Variants in TOMM70 observed in about 807,000 individuals in gnomAD.
The protein encoded by TOMM70 is translocase of outer mitochondrial membrane 70, also known as mitochondrial import receptor subunit TOM70.
Under a neutral mutation model 73.6 loss-of-function variants are expected in TOMM70, and 13 were observed. The observed-to-expected ratio is 0.18, with a 90% CI of 0.11 to 0.28. The LOEUF (loss-of-function observed/expected upper bound fraction) is 0.28, where lower values mean the gene tolerates loss of function less well. Among genes scored for constraint, TOMM70 ranks in the 10% least tolerant of loss-of-function variants. The pLI, the probability that TOMM70 is intolerant of heterozygous loss-of-function variation, is 1.00. For synonymous variants in TOMM70, 257 were observed against 271.2 expected, an observed-to-expected ratio of 0.95 and a Z score of 0.51; for missense variants, 609 against 747.5, an observed-to-expected ratio of 0.81 and a Z score of 2.16.
At chr3:100,386,688 C>A in intron 2 of TOMM70, 117 bp downstream of exon 2, 5 of 1,239,542 alleles carry the variant, frequency 4.0e-6, no homozygotes, top group East Asian at 2.6e-5. Context: ...GAACAACATC[C>A]CATAATTTTG....
chr3:100,393,810 G>A (rs1333374531), intron 1 of TOMM70, among the ~76,000 whole-genome samples: 1 of 152,142 alleles, frequency 6.6e-6, no homozygotes, highest in African/African-American at 2.4e-5. Flanking sequence ...GCTTAGGATA[G>A]TCAGTGAAGG....
intron 1 of TOMM70, among the ~76,000 whole-genome samples, chr3:100,387,713 G>A (rs1002042439): frequency 1.3e-5 from 2 of 149,104 alleles, no homozygotes; most frequent in Non-Finnish European, 3.0e-5. Flanking sequence ...TTGGCTTGCT[G>A]CAACCTCCAC....
intron 1 of TOMM70, among the ~76,000 whole-genome samples, chr3:100,392,010 T>C (rs1447425864): frequency 6.6e-6 from 1 of 152,228 alleles, no homozygotes; most frequent in East Asian, 1.9e-4. Flanking sequence ...CTTTTCTATG[T>C]TTAGGTACCC....
chr3:100,385,007 A>G (rs1456913504), intron 3 of TOMM70, among the ~76,000 whole-genome samples: 1 of 152,232 alleles, frequency 6.6e-6, no homozygotes, highest in Non-Finnish European at 1.5e-5. Context: ...ATCTGCCTCA[A>G]TACCATTTTC....
At position 100,400,920 on chromosome 3, in the gene TOMM70, C is replaced by A. The variant is rs766401021; in HGVS notation, c.30G>T (p.Ala10=). The A allele has an allele frequency of 6.5e-7, 1 of 1,532,256 alleles. No individual in the cohort carries two copies. The highest frequency in any genetic ancestry group is 8.7e-7 in the Non-Finnish European group (1 of 1,146,014). 94.9% of individuals were successfully genotyped at this position (1,532,256 alleles called of 1,614,324 possible). A position where few individuals can be genotyped will look rare whatever the true frequency, so the allele number is the denominator to read the frequency against. The change falls in exon 1 of 12, where the codon GCG becomes GCT. Residue 10 remains alanine (A), a synonymous_variant. Transcript: ENST00000284320. MAASKPVEA[A]VVAAAVPSSG... Reference sequence around the variant, plus strand: ...AGCTCGGTACAGCGGCTGCGACCACCGCTGCCTCCACAGGTTTAGAGGCGG... The same window carrying A: ...AGCTCGGTACAGCGGCTGCGACCACAGCTGCCTCCACAGGTTTAGAGGCGG...
In TOMM70 at chr3:100,377,689, A is replaced by T; in HGVS notation, c.1092+16T>A. On this transcript the variant is annotated intron_variant, in intron 6 of 11. Transcript: ENST00000284320. The stretch of plus-strand genomic sequence containing the variant: ...CTTCTATTTAATAATTTCTTCACAC[A>T]CATTTTTTAATGTACCTTCACATTA... 6.3e-7 allele frequency: 1 copy of T among 1,594,478 alleles called. No individual in the cohort carries two copies. Among genetic ancestry groups the T allele is most frequent in the East Asian group, 2.3e-5 (1 of 44,378 alleles).
intron 3 of TOMM70, 122 bp downstream of exon 3, chr3:100,386,096 G>C: frequency 9.1e-7 from 1 of 1,097,536 alleles, no homozygotes. Flanking sequence ...AATCTTAAGT[G>C]CAAAGGAATC....
chr3:100,381,500 C>A (rs1413549941), intron 5 of TOMM70, 115 bp downstream of exon 5: 2 of 649,464 alleles, frequency 3.1e-6, no homozygotes, highest in Admixed American at 3.2e-5. Context: ...CTGTCTATCT[C>A]TATCTGTAGA....
chr3:100,381,463 AATATT>A (rs1706632725), intron 5 of TOMM70, 147 bp downstream of exon 5: 1 of 297,336 alleles, frequency 3.4e-6, no homozygotes, highest in African/African-American at 2.3e-5. Flanking sequence ...TTATAATAAT[AATATT>A]ATATAATTTT....
chr3:100,389,972 G>A (rs1025083723), intron 1 of TOMM70, among the ~76,000 whole-genome samples: 1 of 151,186 alleles, frequency 6.6e-6, no homozygotes, highest in Non-Finnish European at 1.5e-5. Flanking sequence ...CTCAGGAGGC[G>A]GAGGTTGCAG....
At chr3:100,384,224 T>C (rs1706666415) in intron 4 of TOMM70, among the ~76,000 whole-genome samples, 1 of 152,238 alleles carries the variant, frequency 6.6e-6, no homozygotes, top group Non-Finnish European at 1.5e-5. Context: ...GGATTTGGCC[T>C]ATGGGCCACA....
chr3:100,374,437 T>C (rs1374103257), intron 7 of TOMM70, among the ~76,000 whole-genome samples: 1 of 152,210 alleles, frequency 6.6e-6, no homozygotes, highest in Admixed American at 6.5e-5. Context: ...GGCTCTTCTG[T>C]TATTATTAAT....
chr3:100,393,795 G>C (rs1706790558), intron 1 of TOMM70, among the ~76,000 whole-genome samples: 1 of 152,068 alleles, frequency 6.6e-6, no homozygotes, highest in African/African-American at 2.4e-5. Context: ...AGAAAATCAG[G>C]TTTTGCTTAG....
chr3:100,364,405 G>T lies in TOMM70; in HGVS notation c.*1159C>A, dbSNP rs960948596. ...TTATTTCAGGAAATACTATGCTCTG[G>T]CTCCAAGTCTTACATCCTTTTTGAC... is the stretch of plus-strand genomic sequence containing the variant. On this transcript the variant is annotated 3_prime_UTR_variant, in exon 12 of 12. Coordinates refer to ENST00000284320, the MANE Select transcript of TOMM70 (RefSeq NM_014820.5). 1 of 152,104 alleles carries T rather than the reference G, an allele frequency of 6.6e-6. No homozygotes were observed. The highest frequency in any genetic ancestry group is 1.5e-5 in the Non-Finnish European group (1 of 68,012). The allele number at this position is 152,104 out of a possible 1,614,324, so 9.4% of individuals were successfully genotyped here.
chr3:100,374,164 T>C (rs938162352), intron 7 of TOMM70, among the ~76,000 whole-genome samples: 17 of 152,248 alleles, frequency 1.1e-4, no homozygotes, highest in African/African-American at 4.1e-4. Context: ...GTACCTTTTC[T>C]ATGTTTAGAT....
Position 100,370,135 on chromosome 3 carries a change from T to A in TOMM70, c.1453-1000A>T, listed in dbSNP as rs116748570. On this transcript the variant is annotated intron_variant, in intron 9 of 11. Transcript: ENST00000284320. ...ATCAAAGAAATGTAGCCAGCACATC[T>A]TCTTTATAATAAAAATCAGAAAGAT... Among the ~76,000 whole-genome samples, 348 of 152,348 alleles carry A rather than the reference T, an allele frequency of 2.3e-3. 4 individuals carry two copies. Among genetic ancestry groups the A allele is most frequent in the African/African-American group, 7.9e-3 (327 of 41,574 alleles).
chr3:100,398,258 C>G (rs1706847337), intron 1 of TOMM70, among the ~76,000 whole-genome samples: 1 of 151,838 alleles, frequency 6.6e-6, no homozygotes, highest in Non-Finnish European at 1.5e-5. Context: ...GTGGCGCATG[C>G]CTGTAATCCC....
At chr3:100,384,280 G>A (rs1365980769) in intron 4 of TOMM70, among the ~76,000 whole-genome samples, 199 bp downstream of exon 4, 1 of 152,212 alleles carries the variant, frequency 6.6e-6, no homozygotes, top group Non-Finnish European at 1.5e-5. Context: ...TCTCCAGGTA[G>A]AGTAATGGAC....
At chr3:100,395,501 C>T (rs990813505) in intron 1 of TOMM70, among the ~76,000 whole-genome samples, 1 of 148,312 alleles carries the variant, frequency 6.7e-6, no homozygotes, top group African/African-American at 2.5e-5. Flanking sequence ...AGAGATTGCA[C>T]CACTGCACTC....
Sources: allele counts gnomAD v4.1 joint callset (sites outside exome capture counted in the v4.1 genomes callset), GRCh38; gene constraint gnomAD v4.1.1; transcripts MANE v1.5; gene names NCBI Gene and HGNC (gene_info 2026-07-23, HGNC 2026-07-21).